TENM2: variants seen among roughly 807,000 people sequenced by gnomAD.
TENM2 encodes teneurin transmembrane protein 2, also known as teneurin-2.
A neutral mutation model predicts 245.2 loss-of-function variants in TENM2; 52 were observed. That is an observed-to-expected ratio of 0.21 (90% CI 0.17 to 0.27). The LOEUF (loss-of-function observed/expected upper bound fraction) is 0.27, where lower values mean the gene tolerates loss of function less well. TENM2 is among the 10% of genes least tolerant of loss of function. TENM2 has a pLI of 1.00. For synonymous variants in TENM2, 1,363 were observed against 1,438.9 expected (o/e 0.95, Z 1.19); for missense variants, 3,046 against 3,666.8 (o/e 0.83, Z 4.37).
chr5:167,477,849 G>A (rs1156675047), intron 2 of TENM2, among the ~76,000 whole-genome samples: 1 of 152,092 alleles, frequency 6.6e-6, no homozygotes, highest in African/African-American at 2.4e-5. Context: ...AGGGCAATAG[G>A]TGGGAAAGAA....
the TENM2 span, among the ~76,000 whole-genome samples, chr5:166,992,832 G>T: frequency 6.6e-6 from 1 of 152,188 alleles, no homozygotes; most frequent in African/African-American, 2.4e-5. Flanking sequence ...AGCCAGATGT[G>T]CTGCTGCTGG....
chr5:167,111,115 T>A, the TENM2 span, among the ~76,000 whole-genome samples: 2 of 152,220 alleles, frequency 1.3e-5, no homozygotes, highest in Non-Finnish European at 2.9e-5. Context: ...TTAGATACAT[T>A]ATATTACTTT....
At chr5:167,330,229 A>G (rs1757359859) in intron 1 of TENM2, among the ~76,000 whole-genome samples, 1 of 152,304 alleles carries the variant, frequency 6.6e-6, no homozygotes, top group South Asian at 2.1e-4. Flanking sequence ...TGAGTGCTTG[A>G]TAAATGACCA....
At chr5:167,351,441 T>A (rs2127845193) in intron 1 of TENM2, among the ~76,000 whole-genome samples, 1 of 152,270 alleles carries the variant, frequency 6.6e-6, no homozygotes, top group South Asian at 2.1e-4. Flanking sequence ...TTACTTCTGC[T>A]TCACAAGAAC....
At chr5:168,085,515 G>A (rs1231064224) in intron 7 of TENM2, 1 of 152,220 alleles carries the variant, frequency 6.6e-6, no homozygotes, top group Non-Finnish European at 1.5e-5. Flanking sequence ...AAGTGACTCA[G>A]ATACTGTAAG....
chr5:167,132,119 C>T, the TENM2 span, among the ~76,000 whole-genome samples: 1 of 152,108 alleles, frequency 6.6e-6, no homozygotes, highest in Non-Finnish European at 1.5e-5. Flanking sequence ...CCATGCCTGG[C>T]CCTCTTTGGT....
intron 1 of TENM2, among the ~76,000 whole-genome samples, chr5:167,308,995 T>C (rs1755851235): frequency 7.1e-6 from 1 of 141,806 alleles, no homozygotes; most frequent in African/African-American, 2.7e-5. Flanking sequence ...CCTGGAGTTG[T>C]GAATTACCTA....
intron 2 of TENM2, among the ~76,000 whole-genome samples, chr5:167,424,512 A>T (rs897602105): frequency 6.6e-6 from 1 of 152,206 alleles, no homozygotes; most frequent in Non-Finnish European, 1.5e-5. Context: ...ATTTAAAAGG[A>T]TAATAATTTT....
At chr5:167,638,947 A>G (rs893982764) in intron 2 of TENM2, among the ~76,000 whole-genome samples, 1 of 152,224 alleles carries the variant, frequency 6.6e-6, no homozygotes, top group Non-Finnish European at 1.5e-5. Context: ...TCTCTCAGAA[A>G]ATCTTTTCAG....
intron 2 of TENM2, among the ~76,000 whole-genome samples, chr5:167,418,146 A>AT (rs1763271032): frequency 6.6e-6 from 1 of 152,112 alleles, no homozygotes; most frequent in South Asian, 2.1e-4. Context: ...CCTGACCAAC[A>AT]TGATGAAACC....
At chr5:167,883,395 C>T (rs1774036572) in intron 3 of TENM2, among the ~76,000 whole-genome samples, 1 of 151,956 alleles carries the variant, frequency 6.6e-6, no homozygotes, top group South Asian at 2.1e-4. Flanking sequence ...TGCACACGCA[C>T]ACACACACAC....
At chr5:167,952,564 A>G (rs1300931470) in intron 3 of TENM2, 24 bp from the exon 6 acceptor site, 25 of 1,572,216 alleles carry the variant, frequency 1.6e-5, no homozygotes, top group Non-Finnish European at 1.8e-5. Context: ...AGACGCTAAC[A>G]GTCATTTCTC....
At chr5:167,875,469 C>T (rs753104472) in intron 2 of TENM2, among the ~76,000 whole-genome samples, 10 of 152,154 alleles carry the variant, frequency 6.6e-5, no homozygotes, top group Non-Finnish European at 1.2e-4. Context: ...ACAGGTAGGT[C>T]ATCATAAGGA....
chr5:167,050,348 C>G, the TENM2 span, among the ~76,000 whole-genome samples: 3 of 152,144 alleles, frequency 2.0e-5, no homozygotes, highest in African/African-American at 7.2e-5. Context: ...GTATGAGAAT[C>G]TAAGTAATGC....
At chr5:168,156,405 T>C (rs1757190179) in intron 12 of TENM2, among the ~76,000 whole-genome samples, 2 of 152,174 alleles carry the variant, frequency 1.3e-5, no homozygotes, top group South Asian at 4.1e-4. Flanking sequence ...TTTATGTTTT[T>C]ACTTGCATTT....
chr5:167,877,190 G>T (rs1322193107), intron 3 of TENM2, among the ~76,000 whole-genome samples: 1 of 152,126 alleles, frequency 6.6e-6, no homozygotes, highest in African/African-American at 2.4e-5. Context: ...TCCATGCCGA[G>T]AGTGGGTCTT....
chr5:167,212,341 T>C, the TENM2 span, among the ~76,000 whole-genome samples: 1 of 152,160 alleles, frequency 6.6e-6, no homozygotes, highest in Non-Finnish European at 1.5e-5. Context: ...TGTTCATTAG[T>C]AGTCAAGGTT....
At chr5:168,157,356 A>T (rs1757273824) in intron 12 of TENM2, among the ~76,000 whole-genome samples, 1 of 152,168 alleles carries the variant, frequency 6.6e-6, no homozygotes, top group South Asian at 2.1e-4. Context: ...GACTTTACCC[A>T]TGGGTCAATG....
At chr5:168,198,986 G>A (rs1368396537) in exon 16 of TENM2, 7 of 1,613,886 alleles carry the variant, frequency 4.3e-6, no homozygotes, top group Non-Finnish European at 3.4e-6. Context: ...GATGAAGACC[G>A]AGGAGAACTC....
Sources: gnomAD v4.1 joint callset for allele counts (sites outside exome capture counted in the v4.1 genomes callset) on GRCh38, gnomAD v4.1.1 for gene constraint, MANE v1.5 for transcripts, NCBI Gene and HGNC (gene_info 2026-07-23, HGNC 2026-07-21) for gene names.